PAX7: variants seen among roughly 807,000 people sequenced by gnomAD.
The protein encoded by PAX7 is paired box 7.
A neutral mutation model predicts 50.7 loss-of-function variants in PAX7; 18 were observed. The ratio of observed to expected loss-of-function variants is 0.36; its 90% CI spans 0.25 to 0.53. The LOEUF (loss-of-function observed/expected upper bound fraction) is 0.53. Among genes scored for constraint, PAX7 ranks in the 20% least tolerant of loss-of-function variants. The pLI, the probability that PAX7 is intolerant of heterozygous loss-of-function variation, is 0.93. For synonymous variants in PAX7, 310 were observed against 290.4 expected (o/e 1.07, Z -0.69); for missense variants, 644 against 702.9 (o/e 0.92, Z 0.95).
intron 7 of PAX7, among the ~76,000 whole-genome samples, chr1:18,723,412 A>G (rs1036808974): frequency 2.6e-5 from 4 of 152,208 alleles, no homozygotes; most frequent in Admixed American, 6.5e-5. Flanking sequence ...GTGGCTTTCC[A>G]TGGCACATGA....
chr1:18,643,003 A>G lies in PAX7; in HGVS notation c.586+6632A>G, dbSNP rs116117685. The stretch of plus-strand genomic sequence containing the variant: ...GGAAAGGGTGTGGGGAGGGGATGCG[A>G]AGGGAGGGGGTCGGCTGCACTTGGA... On this transcript the variant is annotated intron_variant, in intron 4 of 8. Transcript: ENST00000420770. Among the ~76,000 whole-genome samples the G allele has an allele frequency of 8.9e-3, 1,356 of 151,676 alleles. 17 individuals are homozygous for G. The highest frequency in any genetic ancestry group is 0.031 in the African/African-American group (1,279 of 41,262).
In PAX7 at chr1:18,691,858, G is replaced by A; in HGVS notation, c.691G>A (p.Glu231Lys). The A allele has an allele frequency of 1.2e-6, 2 of 1,613,952 alleles. No individual in the cohort carries two copies. Among genetic ancestry groups the A allele is most frequent in the Non-Finnish European group, 1.7e-6 (2 of 1,179,974 alleles). The stretch of plus-strand genomic sequence containing the variant: ...CACATTCACGGCCGAGCAGCTGGAG[G>A]AGCTGGAGAAGGCCTTTGAGAGGAC... ...RTTFTAEQLE[E>K]LEKAFERTHY... The change falls in exon 5 of 9, where the codon GAG becomes AAG. Residue 231 changes from glutamate to lysine, a missense_variant. Glu to Lys is a moderately conservative substitution (Grantham distance 56). Coordinates refer to ENST00000420770, the MANE Select transcript of PAX7 (RefSeq NM_001135254.2).
At position 18,746,502 on chromosome 1, in the gene PAX7, C is replaced by T. The variant is rs1485978586; in HGVS notation, c.*1573C>T. On this transcript the variant is annotated 3_prime_UTR_variant, in exon 9 of 9. Transcript: ENST00000420770. The stretch of plus-strand genomic sequence containing the variant: ...AAAATCATATTCATCTTTACCATCA[C>T]TGTCACTGTAATCTACATTCCATCA... 1.3e-5 allele frequency: 3 copies of T among 230,910 alleles called. No individual in the cohort carries two copies. Among genetic ancestry groups the T allele is most frequent in the African/African-American group, 6.6e-5 (3 of 45,204 alleles). 14.3% of individuals were successfully genotyped at this position (230,910 alleles called of 1,614,324 possible).
rs576158835 is a variant in PAX7, at chr1:18,715,809, T to G, written c.1155+12513T>G. On this transcript the variant is annotated intron_variant, in intron 7 of 8. Coordinates refer to ENST00000420770, the MANE Select transcript of PAX7 (RefSeq NM_001135254.2). ...ATAATATGAGGTAGCTGTTTGCAGA[T>G]GGGGTCTGAGGCTCCAGCAGGTGCC... Among the ~76,000 whole-genome samples, 6 of 152,332 alleles carry G rather than the reference T, an allele frequency of 3.9e-5. No individual in the cohort carries two copies. In the South Asian group the frequency reaches 1.0e-3, roughly 26 times the overall value.
At chr1:18,666,397 G>T (rs2088670184) in intron 4 of PAX7, among the ~76,000 whole-genome samples, 1 of 152,170 alleles carries the variant, frequency 6.6e-6, no homozygotes, top group African/African-American at 2.4e-5. Flanking sequence ...GACCTCATAG[G>T]CTCTCCAAAG....
intron 4 of PAX7, among the ~76,000 whole-genome samples, chr1:18,640,709 T>C (rs2088237771): frequency 6.6e-6 from 1 of 152,126 alleles, no homozygotes; most frequent in South Asian, 2.1e-4. Flanking sequence ...TGGGATCAGC[T>C]TCGCATAATG....
intron 4 of PAX7, among the ~76,000 whole-genome samples, chr1:18,684,507 G>GCC (rs1309178827): frequency 6.6e-6 from 1 of 152,218 alleles, no homozygotes; most frequent in Non-Finnish European, 1.5e-5. Flanking sequence ...CCACGCCCGA[G>GCC]CCCCGTACAC....
intron 4 of PAX7, 43 bp from the exon 5 acceptor site, chr1:18,691,711 T>A: frequency 6.5e-7 from 1 of 1,534,212 alleles, no homozygotes; most frequent in East Asian, 2.5e-5. Context: ...CCCTTCCATC[T>A]CTCTAAGCCC....
intron 8 of PAX7, among the ~76,000 whole-genome samples, chr1:18,737,554 GCTT>G (rs1930828297): frequency 6.6e-6 from 1 of 152,228 alleles, no homozygotes; most frequent in African/African-American, 2.4e-5. Flanking sequence ...TGCATGTGAT[GCTT>G]CTATTTCAGC....
rs565550717 is a variant in PAX7 at position 18,641,331 on chromosome 1, G to A, written c.586+4960G>A. On this transcript the variant is annotated intron_variant, in intron 4 of 8. Coordinates refer to ENST00000420770, the MANE Select transcript of PAX7 (RefSeq NM_001135254.2). ...GGGGAAGCCGTCGGAGGTCTGGGAA[G>A]GGGTGGAAGGGAGGGGACTGGGAGC... Among the ~76,000 whole-genome samples, 3 of 152,360 alleles carry A rather than the reference G, an allele frequency of 2.0e-5. No individual in the cohort carries two copies. The East Asian group carries it at 5.8e-4, about 29-fold the overall frequency.
chr1:18,678,134 G>C (rs1326595798), intron 4 of PAX7, among the ~76,000 whole-genome samples: 2 of 148,246 alleles, frequency 1.3e-5, no homozygotes, highest in Non-Finnish European at 3.0e-5. Flanking sequence ...GCATTTAGCC[G>C]GGCGCAGTGG....
intron 4 of PAX7, among the ~76,000 whole-genome samples, chr1:18,650,472 C>T (rs952644387): frequency 2.0e-5 from 3 of 152,210 alleles, no homozygotes; most frequent in Non-Finnish European, 4.4e-5. Context: ...GGATTCAATG[C>T]AGCCTGTGGG....
At position 18,745,141 on chromosome 1, in the gene PAX7, C is replaced by T; in HGVS notation, c.*212C>T. The T allele has an allele frequency of 1.7e-6, 1 of 573,850 alleles. No individual in the cohort carries two copies. The allele number at this position is 573,850 out of a possible 1,614,324, so 35.5% of individuals were successfully genotyped here. A position where few individuals can be genotyped will look rare whatever the true frequency, so the allele number is the denominator to read the frequency against. On this transcript the variant is annotated 3_prime_UTR_variant, in exon 9 of 9. Transcript: ENST00000420770. Reference sequence around the variant, plus strand: ...GAGTGATGCCCTTGGAGTCTGCTCCCCACTTTCCCCAAGGAGGGTTTCTGG... The same window carrying T: ...GAGTGATGCCCTTGGAGTCTGCTCCTCACTTTCCCCAAGGAGGGTTTCTGG...
At position 18,635,119 on chromosome 1, in the gene PAX7, G is replaced by A. The variant is rs141499812; in HGVS notation, c.330G>A (p.Ala110=). 5.5e-5 allele frequency: 88 copies of A among 1,613,458 alleles called. No homozygotes were observed. The East Asian group carries it at 5.8e-4, about 11-fold the overall frequency. The change falls in exon 3 of 9, where the codon GCG becomes GCA. Residue 110 remains alanine (A), a synonymous_variant. Coordinates refer to ENST00000420770, the MANE Select transcript of PAX7 (RefSeq NM_001135254.2). ...AIGGSKPRQV[A]TPDVEKKIEE... ...CACCTCCACCTCTGAAGCAGGTGGC[G>A]ACTCCGGATGTAGAGAAAAAGATTG...
intron 8 of PAX7, among the ~76,000 whole-genome samples, chr1:18,739,904 G>A (rs74747297): frequency 2.0e-4 from 31 of 152,328 alleles, no homozygotes; most frequent in African/African-American, 7.2e-4. Flanking sequence ...TAATGGGGCT[G>A]ATAGAACGCT....
At position 18,634,313 on chromosome 1, in the gene PAX7, G is replaced by T. The variant is rs531880240; in HGVS notation, c.96G>T (p.Pro32=). 2 of 1,613,572 alleles carry T rather than the reference G, an allele frequency of 1.2e-6. No homozygotes were observed. Among genetic ancestry groups the T allele is most frequent in the Non-Finnish European group, 1.7e-6 (2 of 1,179,870 alleles). Residue 32 remains proline (P), a synonymous_variant, in exon 2 of 9, where the codon CCG becomes CCT. Transcript: ENST00000420770. This position sits in a 1 kb window ranked among gnomAD's most constrained non-coding sequence, Gnocchi z 4.0. ...CCCTCCCTTCTCCAGTGTCCACCCCGCTTGGCCAAGGCCGGGTCAATCAGC... is the reference window on the plus strand; with the variant it reads ...CCCTCCCTTCTCCAGTGTCCACCCCTCTTGGCCAAGGCCGGGTCAATCAGC... ...RTGFPLEVST[P]LGQGRVNQLG... is the part of the protein sequence containing the mutation.
intron 8 of PAX7, among the ~76,000 whole-genome samples, chr1:18,741,555 A>T (rs1044360192): frequency 6.6e-6 from 1 of 152,256 alleles, no homozygotes; most frequent in African/African-American, 2.4e-5. Context: ...CTATGCACGT[A>T]GCAAAACATC....
At chr1:18,732,969 C>A (rs1045886723) in intron 7 of PAX7, among the ~76,000 whole-genome samples, 5 of 152,134 alleles carry the variant, frequency 3.3e-5, no homozygotes, top group Non-Finnish European at 5.9e-5. Flanking sequence ...AAGAAGTGAT[C>A]TGGAGCCTGA....
intron 7 of PAX7, among the ~76,000 whole-genome samples, chr1:18,724,457 C>A (rs79292860): frequency 0.017 from 2,600 of 152,350 alleles, 34 homozygotes; most frequent in Non-Finnish European, 0.025. Flanking sequence ...GCTCCATTAC[C>A]AGGTCACCCA....
Sources: allele counts gnomAD v4.1 joint callset (sites outside exome capture counted in the v4.1 genomes callset), GRCh38; gene constraint gnomAD v4.1.1; non-coding constraint Gnocchi (gnomAD v3.1); transcripts MANE v1.5; gene names NCBI Gene and HGNC (gene_info 2026-07-23, HGNC 2026-07-21).